The following TTC23 variants were observed in gnomAD, a reference collection of about 807,000 sequenced individuals.
TTC23 encodes the protein tetratricopeptide repeat protein 23.
Under a neutral mutation model 55.1 loss-of-function variants are expected in TTC23, and 58 were observed. The ratio of observed to expected loss-of-function variants is 1.05; its 90% CI spans 0.85 to 1.31. The LOEUF (loss-of-function observed/expected upper bound fraction) is 1.31. Ranked by LOEUF, TTC23 falls within the 50% of genes most tolerant of loss-of-function variation. The pLI, the probability that TTC23 is intolerant of heterozygous loss-of-function variation, is 0.00. For synonymous variants in TTC23, 203 were observed against 199.9 expected (o/e 1.02, Z -0.13); for missense variants, 516 against 534.4 (o/e 0.97, Z 0.34).
In TTC23 at chr15:99,226,457, TAA is replaced by T. The variant is rs2078426292; in HGVS notation, c.180+2074_180+2075del. ...ATGAGTGAATCTTGTGCCTTTTCTGTAAGTCAGAAATTATTTTAAAATACAAA... is the reference window on the plus strand; with the variant it reads ...ATGAGTGAATCTTGTGCCTTTTCTGTGTCAGAAATTATTTTAAAATACAAA... On this transcript the variant is annotated intron_variant, in intron 5 of 13. Coordinates refer to ENST00000394132, the MANE Select transcript of TTC23 (RefSeq NM_001288615.3). Among the ~76,000 whole-genome samples, 5 of 152,352 alleles carry T rather than the reference TAA, an allele frequency of 3.3e-5. No homozygotes were observed. The South Asian group carries it at 1.0e-3, about 32-fold the overall frequency.
intron 9 of TTC23, among the ~76,000 whole-genome samples, chr15:99,193,157 A>G (rs915591232): frequency 6.6e-6 from 1 of 152,198 alleles, no homozygotes; most frequent in Non-Finnish European, 1.5e-5. Flanking sequence ...CTTGTCTCTG[A>G]TAAGACTTTG....
intron 3 of TTC23, among the ~76,000 whole-genome samples, chr15:99,239,667 C>T (rs2079608392): frequency 6.6e-6 from 1 of 152,142 alleles, no homozygotes; most frequent in African/African-American, 2.4e-5. Flanking sequence ...CTTATGCTTC[C>T]TCATCTGTTC....
At position 99,161,735 on chromosome 15, in the gene TTC23, C is replaced by G. The variant is rs2071403252; in HGVS notation, c.993+5G>C. 1 of 1,608,680 alleles carries G rather than the reference C, an allele frequency of 6.2e-7. No individual in the cohort carries two copies. The highest frequency in any genetic ancestry group is 8.5e-7 in the Non-Finnish European group (1 of 1,178,280). On this transcript the variant is annotated splice_donor_5th_base_variant and intron_variant, in intron 11 of 13. Transcript: ENST00000394132. ...ACTAGACAATTGTGATCCAAACTCACTTACCTCTTTTTGTCCAGTCATTTG... is the reference window on the plus strand; with the variant it reads ...ACTAGACAATTGTGATCCAAACTCAGTTACCTCTTTTTGTCCAGTCATTTG...
At chr15:99,154,350 C>G (rs1005186745) in intron 12 of TTC23, among the ~76,000 whole-genome samples, 4 of 152,176 alleles carry the variant, frequency 2.6e-5, no homozygotes, top group African/African-American at 4.8e-5. Flanking sequence ...TCCCAAAAAG[C>G]ATGTGTTGGA....
chr15:99,233,701 C>T (rs1318494656), intron 4 of TTC23, among the ~76,000 whole-genome samples: 2 of 152,268 alleles, frequency 1.3e-5, no homozygotes, highest in East Asian at 3.9e-4. Context: ...AAGGTTCACT[C>T]TCAATACTTC....
intron 9 of TTC23, among the ~76,000 whole-genome samples, chr15:99,193,006 T>G (rs2075370419): frequency 6.6e-6 from 1 of 152,222 alleles, no homozygotes; most frequent in African/African-American, 2.4e-5. Flanking sequence ...GATTTCAGAC[T>G]TGCATAGGGT....
At chr15:99,138,684 G>A (rs1253955540) in intron 13 of TTC23, among the ~76,000 whole-genome samples, 2 of 152,224 alleles carry the variant, frequency 1.3e-5, no homozygotes, top group South Asian at 2.1e-4. Context: ...CTGGCTTGGT[G>A]AGCAGGACAT....
At chr15:99,204,655 T>TTTTTTG (rs2076471281) in intron 8 of TTC23, among the ~76,000 whole-genome samples, 6 of 145,636 alleles carry the variant, frequency 4.1e-5, no homozygotes, top group South Asian at 4.4e-4. Flanking sequence ...TTTTTTTTTT[T>TTTTTTG]AGACAGGTCT....
At chr15:99,173,287 T>C (rs1176222043) in intron 10 of TTC23, among the ~76,000 whole-genome samples, 2 of 152,220 alleles carry the variant, frequency 1.3e-5, no homozygotes, top group Non-Finnish European at 2.9e-5. Context: ...TTTCAGTTAG[T>C]TACCATCAGT....
At chr15:99,196,683 A>T (rs533059181) in intron 9 of TTC23, among the ~76,000 whole-genome samples, 13 of 152,160 alleles carry the variant, frequency 8.5e-5, no homozygotes, top group Admixed American at 2.6e-4. Context: ...TCTCACCCCC[A>T]ACCGGAACTG....
chr15:99,210,760 G>T (rs1278291594), intron 8 of TTC23, among the ~76,000 whole-genome samples: 1 of 152,194 alleles, frequency 6.6e-6, no homozygotes. Context: ...CCAATTTTGG[G>T]AGGACTATGG....
intron 11 of TTC23, chr15:99,157,975 G>A (rs2070839465): frequency 6.6e-6 from 1 of 152,302 alleles, no homozygotes; most frequent in African/African-American, 2.4e-5. Context: ...CCCCAAAGGG[G>A]TCCCAAAAGT....
chr15:99,197,246 G>A (rs2075807159), intron 9 of TTC23, among the ~76,000 whole-genome samples: 1 of 152,108 alleles, frequency 6.6e-6, no homozygotes, highest in Admixed American at 6.6e-5. Context: ...GGGACTACAG[G>A]CGCCCGCCAC....
chr15:99,191,963 T>C (rs966934057), intron 9 of TTC23, among the ~76,000 whole-genome samples: 1 of 152,196 alleles, frequency 6.6e-6, no homozygotes, highest in African/African-American at 2.4e-5. Flanking sequence ...GAGGAACTTG[T>C]TGGGAATTGG....
chr15:99,215,119 G>T (rs2077371532), intron 8 of TTC23, among the ~76,000 whole-genome samples: 1 of 150,808 alleles, frequency 6.6e-6, no homozygotes, highest in African/African-American at 2.4e-5. Context: ...GCCTCCCAAA[G>T]TGCTGGGATT....
chr15:99,168,559 CA>C (rs1371874811), intron 10 of TTC23, among the ~76,000 whole-genome samples: 12 of 152,218 alleles, frequency 7.9e-5, no homozygotes, highest in Admixed American at 1.3e-4. Flanking sequence ...ACGCAAATTA[CA>C]AACCAGCTCA....
chr15:99,227,191 C>T (rs2078520105), intron 5 of TTC23, among the ~76,000 whole-genome samples: 1 of 152,166 alleles, frequency 6.6e-6, no homozygotes, highest in African/African-American at 2.4e-5. Flanking sequence ...TAATCCTGGT[C>T]TTTCTCCTGT....
intron 9 of TTC23, among the ~76,000 whole-genome samples, chr15:99,180,607 A>G (rs2074022175): frequency 1.3e-5 from 2 of 152,206 alleles, no homozygotes; most frequent in Admixed American, 6.5e-5. Flanking sequence ...AGACACTTCT[A>G]TTTCTGCAGG....
chr15:99,250,176 T>C (rs1407838707), upstream of TTC23, among the ~76,000 whole-genome samples: 5 of 152,218 alleles, frequency 3.3e-5, no homozygotes, highest in Admixed American at 3.3e-4. Context: ...TTTCCTCATT[T>C]TAAGACCAGC....
Sources: allele counts gnomAD v4.1 joint callset (sites outside exome capture counted in the v4.1 genomes callset), GRCh38; gene constraint gnomAD v4.1.1; transcripts MANE v1.5; gene names NCBI Gene and HGNC (gene_info 2026-07-23, HGNC 2026-07-21).